The following AGPAT4 variants were observed in gnomAD, a reference collection of about 807,000 sequenced individuals.
AGPAT4 encodes 1-acylglycerol-3-phosphate O-acyltransferase 4.
AGPAT4 carries 15 observed loss-of-function variants against 48.0 expected under a neutral mutation model. That is an observed-to-expected ratio of 0.31 (90% CI 0.21 to 0.48). AGPAT4 has a LOEUF of 0.48. AGPAT4 is among the 20% of genes least tolerant of loss of function. The pLI is 0.99. For synonymous variants in AGPAT4, 178 were observed against 198.7 expected (o/e 0.90, Z 0.88); for missense variants, 314 against 482.5 (o/e 0.65, Z 3.27).
At chr6:161,271,649 A>G (rs1192206682) in intron 1 of AGPAT4, among the ~76,000 whole-genome samples, 2 of 152,180 alleles carry the variant, frequency 1.3e-5, no homozygotes, top group Non-Finnish European at 2.9e-5. Flanking sequence ...TCTACTCAGC[A>G]TCTGAATATC....
Position 161,153,546 on chromosome 6 carries a change from C to T in AGPAT4, c.511-47G>A, listed in dbSNP as rs374249003. ...TCGCACGCAGCCTCGGGGTCACACA[C>T]AGCCCTGGGGTCATGCATGGCCCTG... On this transcript the variant is annotated intron_variant, in intron 4 of 8. Transcript: ENST00000320285. 7.5e-6 allele frequency: 12 copies of T among 1,599,396 alleles called. No individual in the cohort carries two copies. In the African/African-American group the frequency reaches 1.6e-4, roughly 21 times the overall value.
rs1310159997 is a variant in AGPAT4 at position 161,272,909 on chromosome 6, A to C, written c.-90+1029T>G. 6.6e-6 allele frequency among the ~76,000 whole-genome samples: 1 copy of C among 152,226 alleles called. No individual in the cohort carries two copies. The highest frequency in any genetic ancestry group is 6.5e-5 in the Admixed American group (1 of 15,286). ...CAATGCACGAAAACGAAAAACGGAG[A>C]ATCCTGCCCGGCAGTTAATTTGTTA... On this transcript the variant is annotated intron_variant, in intron 1 of 8. Coordinates refer to ENST00000320285, the MANE Select transcript of AGPAT4 (RefSeq NM_020133.3). The surrounding 1 kb of genome is among the most constrained non-coding windows in gnomAD (Gnocchi z 4.2).
rs969868996 is a variant in AGPAT4, at chr6:161,216,833, A to G, written c.178+15203T>C. Among the ~76,000 whole-genome samples, 15 of 152,088 alleles carry G rather than the reference A, an allele frequency of 9.9e-5. No homozygotes were observed. Among genetic ancestry groups the G allele is most frequent in the African/African-American group, 3.6e-4 (15 of 41,424 alleles). On this transcript the variant is annotated intron_variant, in intron 2 of 8. Coordinates refer to ENST00000320285, the MANE Select transcript of AGPAT4 (RefSeq NM_020133.3). This position sits in a 1 kb window ranked among gnomAD's most constrained non-coding sequence, Gnocchi z 4.8. ...AGCACGAGAAAAACTGGCCCTCATG[A>G]TTCAACTACCTCCTCTTAGGTCCCT...
rs1030107049 is a variant in AGPAT4, at chr6:161,169,491, G to A, written c.179-3074C>T. Among the ~76,000 whole-genome samples the A allele has an allele frequency of 6.6e-6, 1 of 151,866 alleles. No homozygotes were observed. ...TTTTTCCTTTCTTTTTTTTGAGATG[G>A]TGTGTCACTCTGTCATCCAGGCTGG... On this transcript the variant is annotated intron_variant, in intron 2 of 8. Transcript: ENST00000320285. The surrounding 1 kb of genome is among the most constrained non-coding windows in gnomAD (Gnocchi z 5.0).
intron 1 of AGPAT4, among the ~76,000 whole-genome samples, chr6:161,258,476 T>C (rs1783003189): frequency 6.6e-6 from 1 of 152,190 alleles, no homozygotes; most frequent in Non-Finnish European, 1.5e-5. Flanking sequence ...TATATTTATG[T>C]TCATGTCTTG....
In AGPAT4 at chr6:161,137,742, G is replaced by A. The variant is rs535911491; in HGVS notation, c.1043-1108C>T. Among the ~76,000 whole-genome samples the A allele has an allele frequency of 1.3e-4, 20 of 151,968 alleles. 1 individual carries two copies. The South Asian group carries it at 3.5e-3, about 27-fold the overall frequency. On this transcript the variant is annotated intron_variant, in intron 8 of 8. Coordinates refer to ENST00000320285, the MANE Select transcript of AGPAT4 (RefSeq NM_020133.3). The surrounding 1 kb of genome is among the most constrained non-coding windows in gnomAD (Gnocchi z 6.1). ...CAGCTCCTCAGATGCTCCTGGAGAC[G>A]CCGTGTCCACACTGCACCCCTCAGA...
At position 161,186,636 on chromosome 6, in the gene AGPAT4, A is replaced by G. The variant is rs140991137; in HGVS notation, c.179-20219T>C. 6.3e-3 allele frequency among the ~76,000 whole-genome samples: 957 copies of G among 152,126 alleles called. 6 individuals are homozygous for G. The highest frequency in any genetic ancestry group is 9.9e-3 in the Non-Finnish European group (670 of 68,008). ...TGCCTTGCCGCCACTTCCTCCTGTT[A>G]GACGCCTCTGCTGGCTCCGCACGAT... On this transcript the variant is annotated intron_variant, in intron 2 of 8. Transcript: ENST00000320285.
rs562283477 is a variant in AGPAT4, at chr6:161,142,260, G to A, written c.844-2640C>T. On this transcript the variant is annotated intron_variant, in intron 7 of 8. Transcript: ENST00000320285. This position sits in a 1 kb window ranked among gnomAD's most constrained non-coding sequence, Gnocchi z 6.4. Reference sequence around the variant, plus strand: ...GCCACAGGACCTCCCACTGACTATCGGGGAGAGAACAGCACCGCCAGCTCT... The same window carrying A: ...GCCACAGGACCTCCCACTGACTATCAGGGAGAGAACAGCACCGCCAGCTCT... 7.4e-4 allele frequency among the ~76,000 whole-genome samples: 112 copies of A among 152,256 alleles called. No individual in the cohort carries two copies. Among genetic ancestry groups the A allele is most frequent in the African/African-American group, 2.6e-3 (107 of 41,534 alleles).
chr6:161,146,465 G>C lies in AGPAT4; in HGVS notation c.843+59C>G, dbSNP rs1779430049. Reference sequence around the variant, plus strand: ...GAAAGGCCTGCTACCACACAACACAGCCACACGGCGCACCCACAGCTGCAA... The same window carrying C: ...GAAAGGCCTGCTACCACACAACACACCCACACGGCGCACCCACAGCTGCAA... On this transcript the variant is annotated intron_variant, in intron 7 of 8. Coordinates refer to ENST00000320285, the MANE Select transcript of AGPAT4 (RefSeq NM_020133.3). This position sits in a 1 kb window ranked among gnomAD's most constrained non-coding sequence, Gnocchi z 7.1. The C allele has an allele frequency of 6.4e-7, 1 of 1,552,996 alleles. No homozygotes were observed. The highest frequency in any genetic ancestry group is 1.7e-5 in the Admixed American group (1 of 59,528).
rs2115038414 is a variant in AGPAT4 at position 161,234,673 on chromosome 6, T to C, written c.-89-2371A>G. Among the ~76,000 whole-genome samples, 1 of 152,196 alleles carries C rather than the reference T, an allele frequency of 6.6e-6. No individual in the cohort carries two copies. ...GTCCCCGGATTAGCCACTAATAGCG[T>C]CAAGACAATCTGGCCAGGCCAAGCT... On this transcript the variant is annotated intron_variant, in intron 1 of 8. Coordinates refer to ENST00000320285, the MANE Select transcript of AGPAT4 (RefSeq NM_020133.3). The surrounding 1 kb of genome is among the most constrained non-coding windows in gnomAD (Gnocchi z 4.4).
rs1013927898 is a variant in AGPAT4, at chr6:161,181,940, C to T, written c.179-15523G>A. On this transcript the variant is annotated intron_variant, in intron 2 of 8. Coordinates refer to ENST00000320285, the MANE Select transcript of AGPAT4 (RefSeq NM_020133.3). ...CTCTTTTATGTGTAAAGCACAGATA[C>T]GTCCACAGCACATGAATGATAGTCC... 3.3e-5 allele frequency among the ~76,000 whole-genome samples: 5 copies of T among 152,144 alleles called. No individual in the cohort carries two copies. The East Asian group carries it at 7.7e-4, about 23-fold the overall frequency.
chr6:161,268,784 A>G (rs3798953), intron 1 of AGPAT4, among the ~76,000 whole-genome samples: 15,171 of 152,240 alleles, frequency 0.1, 1,061 homozygotes, highest in Non-Finnish European at 0.14. Context: ...CATGTTGTCC[A>G]TATAATTTCC....
At position 161,195,251 on chromosome 6, in the gene AGPAT4, G is replaced by C. The variant is rs555448929; in HGVS notation, c.179-28834C>G. ...CAAGATGAAGGATAATTCAAGACAA[G>C]AAACTGGCACCTATTTTCAGGGTAA... On this transcript the variant is annotated intron_variant, in intron 2 of 8. Transcript: ENST00000320285. This position sits in a 1 kb window ranked among gnomAD's most constrained non-coding sequence, Gnocchi z 5.0. Among the ~76,000 whole-genome samples, 1 of 152,240 alleles carries C rather than the reference G, an allele frequency of 6.6e-6. No homozygotes were observed. The highest frequency in any genetic ancestry group is 1.9e-4 in the East Asian group (1 of 5,188).
Position 161,255,175 on chromosome 6 carries a change from T to C in AGPAT4, c.-90+18763A>G, listed in dbSNP as rs372988005. Among the ~76,000 whole-genome samples the C allele has an allele frequency of 2.2e-4, 33 of 152,184 alleles. No individual in the cohort carries two copies. Among genetic ancestry groups the C allele is most frequent in the African/African-American group, 7.2e-4 (30 of 41,440 alleles). On this transcript the variant is annotated intron_variant, in intron 1 of 8. Transcript: ENST00000320285. The surrounding 1 kb of genome is among the most constrained non-coding windows in gnomAD (Gnocchi z 4.7). ...AATACCTCACACATCCAGTTCTCCT[T>C]CATTAGCTCTATGATAATGGCTTGA...
At position 161,139,045 on chromosome 6, in the gene AGPAT4, C is replaced by T. The variant is rs1177844258; in HGVS notation, c.1042+377G>A. Among the ~76,000 whole-genome samples the T allele has an allele frequency of 1.3e-5, 2 of 152,242 alleles. No individual in the cohort carries two copies. The highest frequency in any genetic ancestry group is 4.8e-5 in the African/African-American group (2 of 41,468). ...AGGCAGGGAGCTGCCCATCCGTCCC[C>T]GCCAGGCTCCAGCACAGGGCTTTCT... On this transcript the variant is annotated intron_variant, in intron 8 of 8. Transcript: ENST00000320285. The surrounding 1 kb of genome is among the most constrained non-coding windows in gnomAD (Gnocchi z 9.1).
At position 161,148,254 on chromosome 6, in the gene AGPAT4, GC is replaced by G. The variant is rs1308669254; in HGVS notation, c.767+932del. ...GAACTGAGTCACAGGGCAGACTGTT[GC>G]CTGCACCATCAGACAAGAAGTCAGT... On this transcript the variant is annotated intron_variant, in intron 6 of 8. Transcript: ENST00000320285. The surrounding 1 kb of genome is among the most constrained non-coding windows in gnomAD (Gnocchi z 5.5). 1.3e-5 allele frequency among the ~76,000 whole-genome samples: 2 copies of G among 152,204 alleles called. No individual in the cohort carries two copies. Among genetic ancestry groups the G allele is most frequent in the East Asian group, 3.8e-4 (2 of 5,196 alleles).
chr6:161,161,821 T>G lies in AGPAT4; in HGVS notation c.348+4427A>C. On this transcript the variant is annotated intron_variant, in intron 3 of 8. Coordinates refer to ENST00000320285, the MANE Select transcript of AGPAT4 (RefSeq NM_020133.3). This position sits in a 1 kb window ranked among gnomAD's most constrained non-coding sequence, Gnocchi z 4.6. ...GGTATATCAATTGCTATCGTTGTCATGATCGAAAATCCTTCGTTTAAAGAG... is the reference window on the plus strand; with the variant it reads ...GGTATATCAATTGCTATCGTTGTCAGGATCGAAAATCCTTCGTTTAAAGAG... 3.6e-6 allele frequency: 1 copy of G among 280,896 alleles called. No individual in the cohort carries two copies. The highest frequency in any genetic ancestry group is 3.9e-5 in the South Asian group (1 of 25,504). 17.4% of individuals were successfully genotyped at this position (280,896 alleles called of 1,614,324 possible).
At chr6:161,151,116 CAGA>C (rs1229676954) in intron 5 of AGPAT4, among the ~76,000 whole-genome samples, 2 of 152,318 alleles carry the variant, frequency 1.3e-5, no homozygotes, top group South Asian at 2.1e-4. Flanking sequence ...CAAGGCGCAT[CAGA>C]AGGAGTGAGA....
intron 2 of AGPAT4, among the ~76,000 whole-genome samples, chr6:161,224,229 G>C (rs1432410264): frequency 6.6e-6 from 1 of 152,180 alleles, no homozygotes; most frequent in Non-Finnish European, 1.5e-5. Flanking sequence ...GGAGAAAACA[G>C]AACAAGGTCC....
Sources: allele counts gnomAD v4.1 joint callset (sites outside exome capture counted in the v4.1 genomes callset), GRCh38; gene constraint gnomAD v4.1.1; non-coding constraint Gnocchi (gnomAD v3.1); transcripts MANE v1.5; gene names NCBI Gene and HGNC (gene_info 2026-07-23, HGNC 2026-07-21).